Variants in FAM241A observed in about 807,000 individuals in gnomAD.
FAM241A encodes family with sequence similarity 241 member A.
Under a neutral mutation model 12.2 loss-of-function variants are expected in FAM241A, and 7 were observed. That is an observed-to-expected ratio of 0.58 (90% CI 0.33 to 1.08). The LOEUF (loss-of-function observed/expected upper bound fraction) is 1.08. Among genes scored for constraint, FAM241A ranks in the 50% least tolerant of loss-of-function variants. The pLI, the probability that FAM241A is intolerant of heterozygous loss-of-function variation, is 0.04. For synonymous variants in FAM241A, 74 were observed against 68.2 expected (o/e 1.08, Z -0.42); for missense variants, 161 against 169.7 (o/e 0.95, Z 0.29).
At chr4:112,148,314 C>A (rs1723180101) in intron 1 of FAM241A, among the ~76,000 whole-genome samples, 2 of 151,966 alleles carry the variant, frequency 1.3e-5, no homozygotes, top group Admixed American at 6.6e-5. Flanking sequence ...AATACCAGAA[C>A]AAAATGTATC....
intron 1 of FAM241A, among the ~76,000 whole-genome samples, chr4:112,172,844 AAT>A (rs1723750690): frequency 6.6e-6 from 1 of 152,054 alleles, no homozygotes; most frequent in African/African-American, 2.4e-5. Context: ...TTTATGCGTT[AAT>A]ATGTTTATTT....
chr4:112,169,281 T>C (rs1723668344), intron 1 of FAM241A, among the ~76,000 whole-genome samples: 1 of 152,196 alleles, frequency 6.6e-6, no homozygotes, highest in Admixed American at 6.5e-5. Flanking sequence ...TTGAATATTA[T>C]TGCTTTTCTT....
At chr4:112,171,000 G>T (rs1169827384) in intron 1 of FAM241A, among the ~76,000 whole-genome samples, 1 of 151,712 alleles carries the variant, frequency 6.6e-6, no homozygotes, top group African/African-American at 2.4e-5. Context: ...GTTAGAGATT[G>T]GTTTTGTTTT....
Position 112,145,665 on chromosome 4 carries a change from G to A in FAM241A, c.85G>A (p.Ala29Thr), listed in dbSNP as rs553563130. 3.3e-6 allele frequency: 4 copies of A among 1,216,462 alleles called. No homozygotes were observed. The highest frequency in any genetic ancestry group is 6.6e-5 in the East Asian group (2 of 30,354). 75.4% of individuals were successfully genotyped at this position (1,216,462 alleles called of 1,614,324 possible). ...DGDALAEREA[A>T]GTGWDPGASP... ...GGACGCGCTGGCGGAGCGGGAGGCG[G>A]CAGGGACCGGGTGGGATCCCGGGGC... Residue 29 changes from alanine to threonine, a missense_variant, in exon 1 of 2, where the codon GCA becomes ACA. Coordinates refer to ENST00000309733, the MANE Select transcript of FAM241A (RefSeq NM_152400.3).
chr4:112,147,537 C>A (rs750733441), intron 1 of FAM241A, among the ~76,000 whole-genome samples: 1 of 151,964 alleles, frequency 6.6e-6, no homozygotes, highest in Non-Finnish European at 1.5e-5. Flanking sequence ...GCCTTGTTTT[C>A]TAGTTTTTTT....
At chr4:112,149,309 CAT>C (rs956744340) in intron 1 of FAM241A, among the ~76,000 whole-genome samples, 16 of 152,182 alleles carry the variant, frequency 1.1e-4, no homozygotes, top group Admixed American at 9.8e-4. Flanking sequence ...CCCAGCCACA[CAT>C]GTATTTTTAA....
At chr4:112,145,939 G>T (rs1723127903) in intron 1 of FAM241A, among the ~76,000 whole-genome samples, 1 of 151,792 alleles carries the variant, frequency 6.6e-6, no homozygotes, top group Non-Finnish European at 1.5e-5. Flanking sequence ...GAGTGCAGAC[G>T]CCAGCGCCGG....
intron 1 of FAM241A, chr4:112,171,294 A>C: frequency 4.0e-6 from 3 of 755,350 alleles, no homozygotes; most frequent in Non-Finnish European, 7.2e-6. Context: ...GACACAGTAC[A>C]AGAAGGGCAA....
At chr4:112,171,469 G>C in intron 1 of FAM241A, 1 of 778,744 alleles carries the variant, frequency 1.3e-6, no homozygotes, top group African/African-American at 1.7e-5. Context: ...GCTATTAAAA[G>C]ATGCAAGCAT....
intron 1 of FAM241A, among the ~76,000 whole-genome samples, chr4:112,163,861 A>G (rs1162065108): frequency 6.6e-6 from 1 of 152,006 alleles, no homozygotes; most frequent in African/African-American, 2.4e-5. Context: ...CTTGGTGCCA[A>G]CCCAAGTGTC....
chr4:112,171,324 G>A, intron 1 of FAM241A: 2 of 753,358 alleles, frequency 2.7e-6, no homozygotes, highest in South Asian at 1.3e-5. Flanking sequence ...GTATGCCCAG[G>A]GAAAGCGGTG....
chr4:112,166,942 G>A (rs954544705), intron 1 of FAM241A, among the ~76,000 whole-genome samples: 23 of 125,196 alleles, frequency 1.8e-4, no homozygotes, highest in Non-Finnish European at 3.1e-4. Context: ...GTGAAACCCC[G>A]TCTCTACTAA....
rs540797442 is a variant in FAM241A, at chr4:112,145,528, G to T, written c.-53G>T. On this transcript the variant is annotated 5_prime_UTR_variant, in exon 1 of 2. Coordinates refer to ENST00000309733, the MANE Select transcript of FAM241A (RefSeq NM_152400.3). ...TTCGGGCGGCGGCGCTGCCTGGTGC[G>T]TCGCGGCGTGGTCCTCCGGCGGCTG... 372 of 1,215,526 alleles carry T rather than the reference G, an allele frequency of 3.1e-4. 1 individual carries two copies. In the African/African-American group the frequency reaches 5.2e-3, roughly 17 times the overall value. 75.3% of individuals were successfully genotyped at this position (1,215,526 alleles called of 1,614,324 possible).
At chr4:112,177,550 G>T (rs1387304394) in intron 1 of FAM241A, among the ~76,000 whole-genome samples, 2 of 151,964 alleles carry the variant, frequency 1.3e-5, no homozygotes, top group Non-Finnish European at 2.9e-5. Flanking sequence ...ATAAATGGGG[G>T]GAAATAATAG....
At chr4:112,174,497 C>T (rs1455061841) in intron 1 of FAM241A, among the ~76,000 whole-genome samples, 2 of 152,134 alleles carry the variant, frequency 1.3e-5, no homozygotes, top group South Asian at 2.1e-4. Flanking sequence ...GAGAACTTTC[C>T]GGGCTAAGTT....
intron 1 of FAM241A, among the ~76,000 whole-genome samples, chr4:112,157,842 C>T (rs1035687092): frequency 6.6e-6 from 1 of 152,058 alleles, no homozygotes; most frequent in African/African-American, 2.4e-5. Flanking sequence ...TCATGTCATC[C>T]TAGCATATTT....
intron 1 of FAM241A, among the ~76,000 whole-genome samples, chr4:112,151,742 G>A (rs1473945300): frequency 6.6e-6 from 1 of 152,108 alleles, no homozygotes; most frequent in Admixed American, 6.5e-5. Flanking sequence ...TAAACTCTTG[G>A]TAAAATATGA....
intron 1 of FAM241A, among the ~76,000 whole-genome samples, chr4:112,147,469 C>G (rs970706113): frequency 1.3e-5 from 2 of 152,034 alleles, no homozygotes; most frequent in Non-Finnish European, 2.9e-5. Flanking sequence ...CAACCCAACC[C>G]ATTGTTGTAA....
intron 1 of FAM241A, among the ~76,000 whole-genome samples, chr4:112,155,499 GACAA>G (rs1186854909): frequency 1.6e-4 from 24 of 151,758 alleles, no homozygotes; most frequent in African/African-American, 3.4e-4. Flanking sequence ...ACTGATAAGT[GACAA>G]ACAAGTTATA....
Sources: gnomAD v4.1 joint callset for allele counts (sites outside exome capture counted in the v4.1 genomes callset) on GRCh38, gnomAD v4.1.1 for gene constraint, MANE v1.5 for transcripts, NCBI Gene and HGNC (gene_info 2026-07-23, HGNC 2026-07-21) for gene names.